Variants in ZBTB20 observed in about 807,000 individuals in gnomAD.
ZBTB20 encodes the protein zinc finger and BTB domain containing 20.
A neutral mutation model predicts 56.9 loss-of-function variants in ZBTB20; 9 were observed. That is an observed-to-expected ratio of 0.16 (90% CI 0.10 to 0.28). ZBTB20 has a LOEUF of 0.28. Among genes scored for constraint, ZBTB20 ranks in the 10% least tolerant of loss-of-function variants. The probability of loss-of-function intolerance (pLI) is 1.00; values close to 1 mark genes in which losing one functional copy is unlikely to be tolerated. For missense variants in ZBTB20, 655 were observed against 1,003.0 expected (o/e 0.65, Z 4.69); for synonymous variants, 417 against 420.7 (o/e 0.99, Z 0.11).
At chr3:114,349,086 G>C (rs1413080429) in intron 11 of ZBTB20, among the ~76,000 whole-genome samples, 1 of 151,684 alleles carries the variant, frequency 6.6e-6, no homozygotes. Flanking sequence ...TGTAGACCCA[G>C]CTACTTGGGA....
intron 3 of ZBTB20, among the ~76,000 whole-genome samples, chr3:114,966,420 T>A (rs1325201570): frequency 6.6e-6 from 1 of 152,160 alleles, no homozygotes; most frequent in Non-Finnish European, 1.5e-5. Context: ...ATGGTGAACA[T>A]TTCTCCAATT....
At chr3:114,476,438 T>C (rs951257803) in intron 7 of ZBTB20, among the ~76,000 whole-genome samples, 1 of 152,202 alleles carries the variant, frequency 6.6e-6, no homozygotes, top group African/African-American at 2.4e-5. Flanking sequence ...TAACAGAATA[T>C]TATAAACTGG....
intron 5 of ZBTB20, among the ~76,000 whole-genome samples, chr3:114,694,673 G>C (rs2062897607): frequency 6.6e-6 from 1 of 152,004 alleles, no homozygotes; most frequent in Non-Finnish European, 1.5e-5. Context: ...TGCATGAGGA[G>C]CATACTCGAT....
At chr3:114,706,398 T>C (rs2063718656) in intron 5 of ZBTB20, among the ~76,000 whole-genome samples, 1 of 152,184 alleles carries the variant, frequency 6.6e-6, no homozygotes, top group Non-Finnish European at 1.5e-5. Flanking sequence ...AGGTACTTTT[T>C]ATGCTTTTTT....
At chr3:114,405,842 A>G (rs1031520012) in intron 7 of ZBTB20, among the ~76,000 whole-genome samples, 1 of 152,084 alleles carries the variant, frequency 6.6e-6, no homozygotes, top group Non-Finnish European at 1.5e-5. Context: ...TTGGCTGAGA[A>G]CTGGGGATAG....
intron 5 of ZBTB20, among the ~76,000 whole-genome samples, chr3:114,785,261 T>C (rs910611624): frequency 6.6e-6 from 1 of 152,190 alleles, no homozygotes. Context: ...AAATCAGAGA[T>C]GTCATGCTAT....
chr3:114,545,124 C>T lies in ZBTB20; in HGVS notation c.-294-44733G>A, dbSNP rs566432976. 2.0e-5 allele frequency among the ~76,000 whole-genome samples: 3 copies of T among 152,242 alleles called. No individual in the cohort carries two copies. In the South Asian group the frequency reaches 6.2e-4, roughly 32 times the overall value. Reference sequence around the variant, plus strand: ...CTCTGTATATGAAGGACGGAAAACCCGCTTTGGATATGTATGCTTCTGGGT... The same window carrying T: ...CTCTGTATATGAAGGACGGAAAACCTGCTTTGGATATGTATGCTTCTGGGT... On this transcript the variant is annotated intron_variant, in intron 6 of 11. Transcript: ENST00000675478.
chr3:114,981,636 T>C lies in ZBTB20; in HGVS notation c.-506-7220A>G, dbSNP rs117402588. On this transcript the variant is annotated intron_variant, in intron 2 of 11. Coordinates refer to ENST00000675478, the MANE Select transcript of ZBTB20 (RefSeq NM_001348800.3). ...AAGCGCTTTTATTTGTATTTACTTATTTAAACCTAACAAAAACTCTAGGAG... is the reference window on the plus strand; with the variant it reads ...AAGCGCTTTTATTTGTATTTACTTACTTAAACCTAACAAAAACTCTAGGAG... Among the ~76,000 whole-genome samples, 3 of 152,192 alleles carry C rather than the reference T, an allele frequency of 2.0e-5. No homozygotes were observed. The East Asian group carries it at 5.8e-4, about 29-fold the overall frequency.
chr3:114,501,849 C>T (rs1194975801), intron 6 of ZBTB20, among the ~76,000 whole-genome samples: 1 of 151,062 alleles, frequency 6.6e-6, no homozygotes, highest in Non-Finnish European at 1.5e-5. Flanking sequence ...GCTGGGACTA[C>T]AGGCACGCAC....
At chr3:114,735,308 A>G (rs1474772301) in intron 5 of ZBTB20, among the ~76,000 whole-genome samples, 1 of 152,114 alleles carries the variant, frequency 6.6e-6, no homozygotes, top group Non-Finnish European at 1.5e-5. Flanking sequence ...TGCTTGTTTA[A>G]AAGAAATATG....
At chr3:115,016,820 T>C (rs1383402177) in intron 2 of ZBTB20, among the ~76,000 whole-genome samples, 1 of 151,568 alleles carries the variant, frequency 6.6e-6, no homozygotes, top group Non-Finnish European at 1.5e-5. Context: ...ATATGAATTT[T>C]AAAATTCAAC....
intron 6 of ZBTB20, among the ~76,000 whole-genome samples, chr3:114,659,998 TAAAAATTCTAGTTCCATGA>T (rs2060631636): frequency 6.6e-6 from 1 of 151,976 alleles, no homozygotes; most frequent in Non-Finnish European, 1.5e-5. Flanking sequence ...AAAAATTTTT[TAAAAATTCTAGTTCCATGA>T]AAAGACTTTG....
At chr3:114,879,032 G>A (rs574832000) in intron 4 of ZBTB20, among the ~76,000 whole-genome samples, 1 of 152,246 alleles carries the variant, frequency 6.6e-6, no homozygotes, top group South Asian at 2.1e-4. Flanking sequence ...TGCTGCAAAT[G>A]GTCATGGGAG....
rs373728619 is a variant in ZBTB20, at chr3:115,022,162, T to C, written c.-506-47746A>G. ...GTAAAAAAGATAAATTAAGGAATGATGGTTTACCACATGGAAAAAGTATTA... is the reference window on the plus strand; with the variant it reads ...GTAAAAAAGATAAATTAAGGAATGACGGTTTACCACATGGAAAAAGTATTA... On this transcript the variant is annotated intron_variant, in intron 2 of 11. Transcript: ENST00000675478. 8.6e-5 allele frequency among the ~76,000 whole-genome samples: 13 copies of C among 150,898 alleles called. No individual in the cohort carries two copies. The East Asian group carries it at 1.8e-3, about 20-fold the overall frequency.
chr3:114,363,412 T>C (rs1210861959), intron 10 of ZBTB20, among the ~76,000 whole-genome samples: 1 of 152,222 alleles, frequency 6.6e-6, no homozygotes, highest in Non-Finnish European at 1.5e-5. Flanking sequence ...TCACCTTTTC[T>C]GAAAACTAAT....
intron 4 of ZBTB20, among the ~76,000 whole-genome samples, chr3:114,854,551 A>T (rs2075151343): frequency 6.6e-6 from 1 of 152,214 alleles, no homozygotes; most frequent in Non-Finnish European, 1.5e-5. Context: ...GCTGCAAAAG[A>T]TTGCATAGGG....
At chr3:114,973,657 C>A (rs1464612046) in intron 3 of ZBTB20, among the ~76,000 whole-genome samples, 4 of 152,114 alleles carry the variant, frequency 2.6e-5, no homozygotes, top group African/African-American at 9.7e-5. Flanking sequence ...ATGGTTGGAT[C>A]GCACCACCCC....
At chr3:115,129,093 C>T (rs1389599139) in intron 1 of ZBTB20, among the ~76,000 whole-genome samples, 1 of 150,854 alleles carries the variant, frequency 6.6e-6, no homozygotes, top group African/African-American at 2.4e-5. Flanking sequence ...AGCGAGACTC[C>T]GTCTCAAAAA....
chr3:114,806,130 A>G (rs2072085614), intron 4 of ZBTB20, among the ~76,000 whole-genome samples: 1 of 151,732 alleles, frequency 6.6e-6, no homozygotes, highest in Non-Finnish European at 1.5e-5. Context: ...GTATTGCTGG[A>G]TCATAAGGGT....
Sources: gnomAD v4.1 joint callset for allele counts (sites outside exome capture counted in the v4.1 genomes callset) on GRCh38, gnomAD v4.1.1 for gene constraint, MANE v1.5 for transcripts, NCBI Gene and HGNC (gene_info 2026-07-23, HGNC 2026-07-21) for gene names.